ACBD6: variants seen among roughly 807,000 people sequenced by gnomAD.
ACBD6 encodes the protein acyl-CoA-binding domain-containing protein 6.
Under a neutral mutation model 37.2 loss-of-function variants are expected in ACBD6, and 28 were observed. That is an observed-to-expected ratio of 0.75 (90% CI 0.56 to 1.03). The LOEUF (loss-of-function observed/expected upper bound fraction) is 1.03. Ranked by LOEUF, ACBD6 falls within the 50% of genes least tolerant of loss-of-function variation. The probability of loss-of-function intolerance (pLI) is 0.00; values close to 1 mark genes in which losing one functional copy is unlikely to be tolerated. For missense variants in ACBD6, 340 were observed against 337.4 expected, an observed-to-expected ratio of 1.01 and a Z score of -0.06; for synonymous variants, 113 against 126.8, an observed-to-expected ratio of 0.89 and a Z score of 0.73.
At chr1:180,298,832 G>A (rs749472482) in intron 7 of ACBD6, among the ~76,000 whole-genome samples, 1 of 152,186 alleles carries the variant, frequency 6.6e-6, no homozygotes, top group Non-Finnish European at 1.5e-5. Flanking sequence ...CATAAACAAT[G>A]AGGAAGTTAT....
intron 6 of ACBD6, among the ~76,000 whole-genome samples, chr1:180,327,772 A>G (rs1331983039): frequency 3.9e-5 from 6 of 152,252 alleles, no homozygotes; most frequent in Admixed American, 3.9e-4. Context: ...ACAATGATGA[A>G]CAGGATATTT....
chr1:180,478,071 T>A (rs1376197364), intron 3 of ACBD6, among the ~76,000 whole-genome samples: 1 of 152,164 alleles, frequency 6.6e-6, no homozygotes, highest in Non-Finnish European at 1.5e-5. Context: ...CACCATATGA[T>A]GCTTATTTTT....
chr1:180,358,451 A>AGC (rs1322504022), intron 6 of ACBD6, among the ~76,000 whole-genome samples: 6 of 149,176 alleles, frequency 4.0e-5, no homozygotes, highest in Non-Finnish European at 7.4e-5. Flanking sequence ...CAACAACAAA[A>AGC]AAAAAAAACC....
At chr1:180,496,063 C>CA (rs1460855723) in intron 1 of ACBD6, among the ~76,000 whole-genome samples, 1 of 152,074 alleles carries the variant, frequency 6.6e-6, no homozygotes, top group East Asian at 1.9e-4. Flanking sequence ...AAAAGCCATG[C>CA]AAAAAATTTC....
Position 180,279,461 on chromosome 1 carries a change from T to G in ACBD6, c.*174+1845A>C, listed in dbSNP as rs2149272686. On this transcript the variant is annotated intron_variant, in intron 9 of 13. Coordinates refer to the ACBD6 transcript ENST00000642319. ...ACAGGCATGCGCAAACACGCCTGGC[T>G]AATTTTTTGTATTTTTAGTAGAGAC... 2.0e-5 allele frequency among the ~76,000 whole-genome samples: 3 copies of G among 152,226 alleles called. No homozygotes were observed. The South Asian group carries it at 6.2e-4, about 32-fold the overall frequency.
At chr1:180,498,966 GGA>G (rs1651846386) in intron 1 of ACBD6, among the ~76,000 whole-genome samples, 1 of 152,088 alleles carries the variant, frequency 6.6e-6, no homozygotes, top group African/African-American at 2.4e-5. Context: ...TCTTTAGGAG[GGA>G]GAGTGTAGGC....
At chr1:180,303,395 T>C (rs1166677633) in intron 7 of ACBD6, among the ~76,000 whole-genome samples, 2 of 150,728 alleles carry the variant, frequency 1.3e-5, no homozygotes, top group Non-Finnish European at 3.0e-5. Context: ...AAGAATCAAA[T>C]AGATGCAATA....
chr1:180,440,791 T>G (rs1216846595), intron 3 of ACBD6, among the ~76,000 whole-genome samples: 1 of 152,224 alleles, frequency 6.6e-6, no homozygotes, highest in African/African-American at 2.4e-5. Context: ...TCATATAAAT[T>G]GAATCATACA....
rs372252519 is a variant in ACBD6 at position 180,378,416 on chromosome 1, T to C, written c.663+19100A>G. ...ATTCTTGATATTAGTAGAAAAACTG[T>C]TGAAATTCAAATAAGGTCTGTAATT... On this transcript the variant is annotated intron_variant, in intron 6 of 7. Transcript: ENST00000367595. 1.5e-3 allele frequency among the ~76,000 whole-genome samples: 227 copies of C among 152,310 alleles called. 1 individual carries two copies. The highest frequency in any genetic ancestry group is 5.2e-3 in the African/African-American group (215 of 41,570).
At chr1:180,328,213 A>G (rs1651329339) in intron 6 of ACBD6, among the ~76,000 whole-genome samples, 1 of 150,984 alleles carries the variant, frequency 6.6e-6, no homozygotes. Flanking sequence ...TCCTAGATTA[A>G]GATACATACA....
At chr1:180,320,369 G>A (rs1299561686) in intron 6 of ACBD6, among the ~76,000 whole-genome samples, 2 of 152,128 alleles carry the variant, frequency 1.3e-5, no homozygotes, top group Non-Finnish European at 1.5e-5. Context: ...AAGCGTGTGG[G>A]TCACGCCTGT....
chr1:180,330,115 A>C (rs548470790), intron 6 of ACBD6, among the ~76,000 whole-genome samples: 22 of 152,292 alleles, frequency 1.4e-4, no homozygotes, highest in African/African-American at 5.3e-4. Context: ...ATTAAGGATC[A>C]AAACTTCATT....
At chr1:180,337,359 C>T (rs1347312095) in intron 6 of ACBD6, among the ~76,000 whole-genome samples, 1 of 152,112 alleles carries the variant, frequency 6.6e-6, no homozygotes, top group African/African-American at 2.4e-5. Context: ...ATACAAAAAT[C>T]AATAAACGTA....
chr1:180,313,810 G>A (rs891034818), intron 7 of ACBD6, among the ~76,000 whole-genome samples: 5 of 151,994 alleles, frequency 3.3e-5, no homozygotes, highest in South Asian at 2.1e-4. Flanking sequence ...GACTACAGAC[G>A]TGCACCACTG....
chr1:180,447,276 C>CT (rs201071395), intron 3 of ACBD6, among the ~76,000 whole-genome samples: 17 of 151,090 alleles, frequency 1.1e-4, no homozygotes, highest in South Asian at 2.1e-4. Context: ...CTGAAGAACA[C>CT]TTTTTTTTTA....
chr1:180,371,191 AAAG>A (rs1351647958), intron 6 of ACBD6, among the ~76,000 whole-genome samples: 8 of 152,036 alleles, frequency 5.3e-5, no homozygotes, highest in Non-Finnish European at 7.4e-5. Flanking sequence ...TATAAGGAAA[AAAG>A]AGATCAAATA....
intron 6 of ACBD6, among the ~76,000 whole-genome samples, chr1:180,389,488 A>G (rs1320249269): frequency 2.0e-5 from 3 of 152,220 alleles, no homozygotes; most frequent in Non-Finnish European, 4.4e-5. Context: ...TTATAGCAGC[A>G]TGATTTATAC....
At chr1:180,470,792 C>T (rs1195713514) in intron 3 of ACBD6, among the ~76,000 whole-genome samples, 2 of 152,170 alleles carry the variant, frequency 1.3e-5, no homozygotes, top group Admixed American at 6.5e-5. Flanking sequence ...ATTAAGAGGT[C>T]ACTTTGTTTG....
intron 1 of ACBD6, among the ~76,000 whole-genome samples, chr1:180,501,030 T>C (rs187112937): frequency 5.1e-4 from 78 of 152,330 alleles, no homozygotes; most frequent in African/African-American, 1.8e-3. Context: ...CCCTGAATTA[T>C]AAATTAAACG....
Sources: gnomAD v4.1 joint callset for allele counts (sites outside exome capture counted in the v4.1 genomes callset) on GRCh38, gnomAD v4.1.1 for gene constraint, MANE v1.5 for transcripts, NCBI Gene and HGNC (gene_info 2026-07-23, HGNC 2026-07-21) for gene names.